Variants in RSU1 observed in about 807,000 individuals in gnomAD.
RSU1 encodes the protein rsu-1.
A neutral mutation model predicts 31.1 loss-of-function variants in RSU1; 26 were observed. The ratio of observed to expected loss-of-function variants is 0.84; its 90% CI spans 0.61 to 1.16. RSU1 has a LOEUF of 1.16. Among genes scored for constraint, RSU1 ranks in the 50% most tolerant of loss-of-function variants. The pLI, the probability that RSU1 is intolerant of heterozygous loss-of-function variation, is 0.00. For synonymous variants in RSU1, 164 were observed against 136.3 expected, an observed-to-expected ratio of 1.20 and a Z score of -1.41; for missense variants, 320 against 339.1, an observed-to-expected ratio of 0.94 and a Z score of 0.44.
At chr10:16,809,987 G>A (rs1326385618) in intron 2 of RSU1, among the ~76,000 whole-genome samples, 2 of 150,216 alleles carry the variant, frequency 1.3e-5, no homozygotes, top group African/African-American at 2.4e-5. Context: ...TTGGGAGGCC[G>A]GGGGTGGGGG....
At chr10:16,679,004 A>T (rs1293284162) in intron 8 of RSU1, among the ~76,000 whole-genome samples, 6 of 152,216 alleles carry the variant, frequency 3.9e-5, no homozygotes, top group Admixed American at 3.9e-4. Flanking sequence ...GAAATGTTTC[A>T]TTTGCACCAT....
chr10:16,628,988 C>T (rs1834203545), intron 8 of RSU1, among the ~76,000 whole-genome samples: 1 of 152,144 alleles, frequency 6.6e-6, no homozygotes, highest in Admixed American at 6.5e-5. Flanking sequence ...TCCTCACTGT[C>T]CTCCATTCCT....
chr10:16,591,928 G>C lies in RSU1; in HGVS notation c.*1466C>G, dbSNP rs563070922. 6.6e-6 allele frequency: 1 copy of C among 152,234 alleles called. No homozygotes were observed. Among genetic ancestry groups the C allele is most frequent in the South Asian group, 2.1e-4 (1 of 4,826 alleles). 9.4% of individuals were successfully genotyped at this position (152,234 alleles called of 1,614,324 possible). The stretch of plus-strand genomic sequence containing the variant: ...ATCCCTAAACAGGGGATGGGACCTG[G>C]GGAAGCCACTTCCCACATTTAAATG... On this transcript the variant is annotated 3_prime_UTR_variant, in exon 9 of 9. Transcript: ENST00000345264.
chr10:16,707,447 G>A (rs982786736), intron 7 of RSU1, among the ~76,000 whole-genome samples: 22 of 152,088 alleles, frequency 1.4e-4, no homozygotes, highest in Admixed American at 1.1e-3. Flanking sequence ...TTTTATCGTG[G>A]TTCTGATTTG....
At chr10:16,728,106 T>A (rs1328734956) in intron 7 of RSU1, among the ~76,000 whole-genome samples, 2 of 152,198 alleles carry the variant, frequency 1.3e-5, no homozygotes, top group South Asian at 4.1e-4. Flanking sequence ...TGCAAGAGAT[T>A]TGGGTGGTTG....
At chr10:16,710,204 A>G (rs1202614205) in intron 7 of RSU1, among the ~76,000 whole-genome samples, 3 of 152,186 alleles carry the variant, frequency 2.0e-5, no homozygotes, top group Non-Finnish European at 4.4e-5. Context: ...TAATTTGTTG[A>G]GTTTTTATGA....
chr10:16,659,783 A>C (rs1388593874), intron 8 of RSU1, among the ~76,000 whole-genome samples: 2 of 151,894 alleles, frequency 1.3e-5, no homozygotes, highest in African/African-American at 4.8e-5. Context: ...GTCAATTTGA[A>C]CTCTTTTCTT....
At position 16,731,566 on chromosome 10, in the gene RSU1, T is replaced by C. The variant is rs572958355; in HGVS notation, c.598+20973A>G. 3.9e-5 allele frequency among the ~76,000 whole-genome samples: 6 copies of C among 152,302 alleles called. No individual in the cohort carries two copies. The South Asian group carries it at 6.2e-4, about 16-fold the overall frequency. ...TTGGAAGCTTTTACGGTGCCTGGCA[T>C]ATACTCCAAAAATGGGTCTAGAATT... On this transcript the variant is annotated intron_variant, in intron 7 of 8. Coordinates refer to ENST00000345264, the MANE Select transcript of RSU1 (RefSeq NM_012425.4).
intron 8 of RSU1, among the ~76,000 whole-genome samples, chr10:16,628,186 T>G (rs1489407725): frequency 6.6e-6 from 1 of 152,246 alleles, no homozygotes; most frequent in Non-Finnish European, 1.5e-5. Context: ...GAAGCTGACT[T>G]TTCATTAATT....
At chr10:16,647,285 T>C (rs542877744) in intron 8 of RSU1, among the ~76,000 whole-genome samples, 1 of 152,338 alleles carries the variant, frequency 6.6e-6, no homozygotes, top group Admixed American at 6.5e-5. Context: ...ACTGGAACTT[T>C]CACACATTGT....
chr10:16,680,679 A>C (rs1023087068), intron 8 of RSU1, among the ~76,000 whole-genome samples: 1 of 152,194 alleles, frequency 6.6e-6, no homozygotes, highest in Non-Finnish European at 1.5e-5. Flanking sequence ...AACTCAGAGC[A>C]AGAGCTCACT....
At chr10:16,711,565 C>G (rs1039075292) in intron 7 of RSU1, among the ~76,000 whole-genome samples, 1 of 152,168 alleles carries the variant, frequency 6.6e-6, no homozygotes, top group Admixed American at 6.5e-5. Flanking sequence ...CTCGCTGTGT[C>G]TCACAGGTTT....
chr10:16,638,361 G>A (rs950827274), intron 8 of RSU1, among the ~76,000 whole-genome samples: 6 of 151,990 alleles, frequency 3.9e-5, no homozygotes, highest in Admixed American at 1.3e-4. Context: ...GATCATCCCC[G>A]CCAAAAGATT....
At chr10:16,778,675 G>A (rs184113361) in intron 3 of RSU1, among the ~76,000 whole-genome samples, 1 of 152,336 alleles carries the variant, frequency 6.6e-6, no homozygotes, top group Non-Finnish European at 1.5e-5. Context: ...GGAGGATGGG[G>A]AGAGGCTGGT....
chr10:16,643,328 T>C (rs1209457098), intron 8 of RSU1, among the ~76,000 whole-genome samples: 1 of 152,192 alleles, frequency 6.6e-6, no homozygotes. Context: ...AGTAGATACT[T>C]TGAAGATGTA....
chr10:16,757,397 G>C (rs1317816938), intron 4 of RSU1, among the ~76,000 whole-genome samples: 2 of 152,112 alleles, frequency 1.3e-5, no homozygotes, highest in Non-Finnish European at 2.9e-5. Context: ...TGACAGCAGA[G>C]GGGGCAACCA....
chr10:16,734,345 A>C (rs1476418795), intron 7 of RSU1, among the ~76,000 whole-genome samples: 1 of 152,328 alleles, frequency 6.6e-6, no homozygotes, highest in Non-Finnish European at 1.5e-5. Flanking sequence ...CTGTGCTCAC[A>C]CACTCTTCTT....
chr10:16,742,593 G>T (rs990289069), intron 7 of RSU1, among the ~76,000 whole-genome samples: 1 of 150,932 alleles, frequency 6.6e-6, no homozygotes, highest in Non-Finnish European at 1.5e-5. Flanking sequence ...TGTATTTAGA[G>T]ACATGCCTCT....
chr10:16,775,822 T>C (rs951511646), intron 3 of RSU1, among the ~76,000 whole-genome samples: 2 of 152,212 alleles, frequency 1.3e-5, no homozygotes, highest in African/African-American at 4.8e-5. Flanking sequence ...CTTTTAATGA[T>C]GGCAGAGAAG....
Sources: allele counts gnomAD v4.1 joint callset (sites outside exome capture counted in the v4.1 genomes callset), GRCh38; gene constraint gnomAD v4.1.1; transcripts MANE v1.5; gene names NCBI Gene and HGNC (gene_info 2026-07-23, HGNC 2026-07-21).